The following KIAA0319 variants were observed in gnomAD, a reference collection of about 807,000 sequenced individuals.
The protein encoded by KIAA0319 is dyslexia-associated protein KIAA0319.
Under a neutral mutation model 108.4 loss-of-function variants are expected in KIAA0319, and 83 were observed. That is an observed-to-expected ratio of 0.77 (90% confidence interval 0.64 to 0.92). The LOEUF is 0.92. KIAA0319 is among the 40% of genes least tolerant of loss of function. KIAA0319 has a pLI of 0.00. For missense variants in KIAA0319, 1,195 were observed against 1,322.4 expected (o/e 0.90, Z 1.49); for synonymous variants, 484 against 510.4 (o/e 0.95, Z 0.70).
chr6:24,632,263 GCAATTTTA>G (rs1473424134), intron 1 of KIAA0319, among the ~76,000 whole-genome samples: 1 of 152,104 alleles, frequency 6.6e-6, no homozygotes, highest in Non-Finnish European at 1.5e-5. Flanking sequence ...GTATCACAAG[GCAATTTTA>G]CATATATCGC....
chr6:24,586,419 T>C (rs1360591953), intron 4 of KIAA0319, among the ~76,000 whole-genome samples: 1 of 152,160 alleles, frequency 6.6e-6, no homozygotes, highest in East Asian at 1.9e-4. Context: ...AAAGGAAATC[T>C]CCATTTGTAA....
intron 1 of KIAA0319, among the ~76,000 whole-genome samples, chr6:24,633,823 T>C (rs1214962931): frequency 6.6e-6 from 1 of 152,184 alleles, no homozygotes; most frequent in Non-Finnish European, 1.5e-5. Context: ...GGACTTATTC[T>C]ACAACAAACT....
Position 24,596,371 on chromosome 6 carries a change from A to G in KIAA0319, c.303T>C (p.Thr101=). The G allele has an allele frequency of 1.2e-6, 2 of 1,614,220 alleles. No individual in the cohort carries two copies. The highest frequency in any genetic ancestry group is 1.7e-6 in the Non-Finnish European group (2 of 1,180,030). Residue 101 remains threonine, a synonymous_variant, in exon 3 of 21, where the codon ACT becomes ACC. Coordinates refer to ENST00000378214, the MANE Select transcript of KIAA0319 (RefSeq NM_014809.4). ...KKMGPIRSYL[T]FVLRPVQRPA... is the part of the protein sequence containing the mutation. Reference sequence around the variant, plus strand: ...GCCTCTGAACAGGCCGGAGCACAAAAGTGAGATAAGACCTGATGGGGCCCA... The same window carrying G: ...GCCTCTGAACAGGCCGGAGCACAAAGGTGAGATAAGACCTGATGGGGCCCA...
chr6:24,549,182 G>A (rs1423259610), intron 20 of KIAA0319, among the ~76,000 whole-genome samples: 1 of 152,046 alleles, frequency 6.6e-6, no homozygotes, highest in Non-Finnish European at 1.5e-5. Flanking sequence ...AAGATTAGCT[G>A]GGCATGGTGG....
intron 18 of KIAA0319, among the ~76,000 whole-genome samples, chr6:24,555,496 CAAAAAAAAAAA>C (rs34005198): frequency 1.2e-5 from 1 of 80,892 alleles, no homozygotes; most frequent in East Asian, 5.1e-4. Context: ...GACTCCATCT[CAAAAAAAAAAA>C]AAAAAAAAAA....
At chr6:24,600,557 G>A in intron 2 of KIAA0319, 1 of 884,114 alleles carries the variant, frequency 1.1e-6, no homozygotes, top group South Asian at 1.4e-5. Flanking sequence ...GTTACATTTG[G>A]ACAAACTGTA....
At chr6:24,618,639 C>T (rs577031641) in intron 1 of KIAA0319, among the ~76,000 whole-genome samples, 118 of 151,716 alleles carry the variant, frequency 7.8e-4, no homozygotes, top group African/African-American at 2.8e-3. Context: ...ACAACAACAA[C>T]AAAAACACAC....
At chr6:24,576,028 A>T (rs965327961) in intron 10 of KIAA0319, among the ~76,000 whole-genome samples, 10 of 152,242 alleles carry the variant, frequency 6.6e-5, no homozygotes. Context: ...AACAAAAAAA[A>T]TTCTGATAAT....
At chr6:24,634,074 CA>C (rs1775905349) in intron 1 of KIAA0319, among the ~76,000 whole-genome samples, 1 of 152,026 alleles carries the variant, frequency 6.6e-6, no homozygotes, top group African/African-American at 2.4e-5. Context: ...TAAATAAACA[CA>C]AAAAAATAGT....
intron 18 of KIAA0319, among the ~76,000 whole-genome samples, chr6:24,555,238 T>C (rs951255041): frequency 5.3e-5 from 8 of 152,206 alleles, no homozygotes; most frequent in Non-Finnish European, 1.0e-4. Flanking sequence ...GGCTCACGCC[T>C]GTAATCCCAA....
intron 1 of KIAA0319, among the ~76,000 whole-genome samples, chr6:24,613,677 G>A (rs1190184735): frequency 2.1e-5 from 3 of 139,798 alleles, no homozygotes; most frequent in Admixed American, 7.1e-5. Flanking sequence ...GATCATTTGA[G>A]GGAAAAAAAA....
At chr6:24,589,015 C>T (rs1020295450) in intron 3 of KIAA0319, among the ~76,000 whole-genome samples, 5 of 152,134 alleles carry the variant, frequency 3.3e-5, no homozygotes, top group African/African-American at 4.8e-5. Flanking sequence ...TAGGTGAACT[C>T]ACACAAACAC....
rs1358365944 is a variant in KIAA0319, at chr6:24,601,069, A to G, written c.35T>C (p.Leu12Pro). The change falls in exon 2 of 21, where the codon CTG becomes CCG. Residue 12 changes from leucine (L) to proline (P), a missense_variant. By Grantham distance (98) the Leu-to-Pro change is moderately conservative (BLOSUM62 -3). Coordinates refer to ENST00000378214, the MANE Select transcript of KIAA0319 (RefSeq NM_014809.4). ...CCTACCTGCAATTGTCACCAGCAGC[A>G]GCAATGAAGAGAGCACACCTGTGGG... Reference protein sequence around the residue: ...APPTGVLSSLLLLVTIAGCAR... With the variant: ...APPTGVLSSLPLLVTIAGCAR... 1.2e-6 allele frequency: 2 copies of G among 1,614,182 alleles called. No homozygotes were observed.
At chr6:24,569,797 C>G in intron 12 of KIAA0319, 106 bp downstream of exon 12, 1 of 1,358,314 alleles carries the variant, frequency 7.4e-7, no homozygotes. Context: ...TAAATCCCGA[C>G]TCCTCAAAAT....
intron 5 of KIAA0319, 66 bp from the exon 6 acceptor site, chr6:24,582,412 G>T: frequency 2.1e-6 from 2 of 947,778 alleles, no homozygotes; most frequent in East Asian, 2.4e-5. Context: ...CCTGGGCAGA[G>T]GGAAGATGAC....
intron 13 of KIAA0319, among the ~76,000 whole-genome samples, chr6:24,568,204 T>C (rs1404186028): frequency 6.6e-6 from 1 of 152,196 alleles, no homozygotes; most frequent in East Asian, 1.9e-4. Flanking sequence ...CAGGCTCTTA[T>C]ACTCCTCTGC....
At chr6:24,541,098 A>G (rs1760179380), downstream of KIAA0319, among the ~76,000 whole-genome samples, 1 of 152,172 alleles carries the variant, frequency 6.6e-6, no homozygotes, top group African/African-American at 2.4e-5. Flanking sequence ...TAACTTGGCA[A>G]GATTGGTAGC....
intron 16 of KIAA0319, among the ~76,000 whole-genome samples, chr6:24,560,205 A>G (rs1250016832): frequency 6.6e-6 from 1 of 152,140 alleles, no homozygotes. Context: ...TTTCATTTTT[A>G]TTGAGTATAT....
chr6:24,562,840 A>C (rs1279493361), intron 16 of KIAA0319, among the ~76,000 whole-genome samples: 2 of 152,204 alleles, frequency 1.3e-5, no homozygotes, highest in African/African-American at 4.8e-5. Context: ...CCCTGTCTCA[A>C]AAAATAAAAA....
Sources: gnomAD v4.1 joint callset for allele counts (sites outside exome capture counted in the v4.1 genomes callset) on GRCh38, gnomAD v4.1.1 for gene constraint, MANE v1.5 for transcripts, NCBI Gene and HGNC (gene_info 2026-07-23, HGNC 2026-07-21) for gene names.